The following TAF5 variants were observed in gnomAD, a reference collection of about 807,000 sequenced individuals.
The protein encoded by TAF5 is TATA-box binding protein associated factor 5, also known as transcription initiation factor TFIID subunit 5.
Under a neutral mutation model 80.9 loss-of-function variants are expected in TAF5, and 20 were observed. The ratio of observed to expected loss-of-function variants is 0.25; its 90% CI spans 0.17 to 0.36. TAF5 has a LOEUF of 0.36. Ranked by LOEUF, TAF5 falls within the 10% of genes least tolerant of loss-of-function variation. The probability of loss-of-function intolerance (pLI) is 1.00; values close to 1 mark genes in which losing one functional copy is unlikely to be tolerated. For synonymous variants in TAF5, 388 were observed against 406.4 expected (o/e 0.95, Z 0.55); for missense variants, 863 against 1,029.4 (o/e 0.84, Z 2.21).
At chr10:103,382,896 C>T (rs570245537) in intron 6 of TAF5, among the ~76,000 whole-genome samples, 49 of 152,276 alleles carry the variant, frequency 3.2e-4, no homozygotes, top group Non-Finnish European at 6.3e-4. Context: ...AATCTGCCCG[C>T]CTTGGCCTAC....
At chr10:103,386,798 G>A (rs2093397382) in intron 8 of TAF5, among the ~76,000 whole-genome samples, 1 of 151,972 alleles carries the variant, frequency 6.6e-6, no homozygotes, top group Non-Finnish European at 1.5e-5. Context: ...TGAGTAGCTG[G>A]GATTACAGGC....
At chr10:103,377,177 T>G (rs188159084) in intron 2 of TAF5, among the ~76,000 whole-genome samples, 92 of 152,300 alleles carry the variant, frequency 6.0e-4, no homozygotes, top group African/African-American at 2.1e-3. Flanking sequence ...TTGCTCTTCC[T>G]GTCTCATGGT....
At position 103,388,754 on chromosome 10, in the gene TAF5, AG is replaced by A. The variant is rs1255024682; in HGVS notation, c.*533del. 6.5e-6 allele frequency: 1 copy of A among 153,410 alleles called. No individual in the cohort carries two copies. Among genetic ancestry groups the A allele is most frequent in the Non-Finnish European group, 1.5e-5 (1 of 68,698 alleles). The allele number at this position is 153,410 out of a possible 1,614,324, so 9.5% of individuals were successfully genotyped here. A position where few individuals can be genotyped will look rare whatever the true frequency, so the allele number is the denominator to read the frequency against. Reference sequence around the variant, plus strand: ...GGTAGGGTTCCTTTCTTAGATCTAGAGGAAGTACAGCCACCCACTGACATCT... The same window carrying A: ...GGTAGGGTTCCTTTCTTAGATCTAGAGAAGTACAGCCACCCACTGACATCT... On this transcript the variant is annotated 3_prime_UTR_variant, in exon 11 of 11. Coordinates refer to ENST00000369839, the MANE Select transcript of TAF5 (RefSeq NM_006951.5).
chr10:103,387,498 C>T, intron 9 of TAF5, 23 bp from the exon 10 acceptor site: 11 of 1,594,898 alleles, frequency 6.9e-6, no homozygotes, highest in Non-Finnish European at 8.5e-6. Context: ...ATACTTTGAT[C>T]TTTTCTATGA....
At chr10:103,386,354 T>TGCTTGAAC (rs1250447416) in intron 8 of TAF5, among the ~76,000 whole-genome samples, 5 of 151,364 alleles carry the variant, frequency 3.3e-5, no homozygotes, top group Non-Finnish European at 7.4e-5. Context: ...GAGGCAGAAT[T>TGCTTGAAC]GCTTGAACCC....
intron 1 of TAF5, among the ~76,000 whole-genome samples, chr10:103,369,563 C>G (rs956611226): frequency 6.6e-5 from 10 of 151,810 alleles, no homozygotes; most frequent in Admixed American, 3.3e-4. Context: ...TGGGGTTTCG[C>G]CATATTGGTC....
rs2093377715 is a variant in TAF5 at position 103,379,661 on chromosome 10, G to A, written c.1167G>A (p.Glu389=). 3 of 1,607,826 alleles carry A rather than the reference G, an allele frequency of 1.9e-6. No homozygotes were observed. Among genetic ancestry groups the A allele is most frequent in the Non-Finnish European group, 2.5e-6 (3 of 1,178,490 alleles). The change falls in exon 4 of 11, where the codon GAG becomes GAA. Residue 389 remains glutamate (E), a synonymous_variant. Transcript: ENST00000369839. ...EPEIEVPLDD[E]DEEGENEEGK... is the part of the protein sequence containing the mutation. ...AAATTGAGGTACCTTTGGATGACGA[G>A]GATGAAGAGGGAGAAAATGAAGAAG...
chr10:103,375,160 T>G (rs903103823), intron 2 of TAF5, among the ~76,000 whole-genome samples: 7 of 151,770 alleles, frequency 4.6e-5, no homozygotes, highest in African/African-American at 1.7e-4. Context: ...TGGAGGCATT[T>G]TTGGTTGTCA....
In TAF5 at chr10:103,378,917, C is replaced by T. The variant is rs1730262735; in HGVS notation, c.1113+367C>T. Among the ~76,000 whole-genome samples, 1 of 152,192 alleles carries T rather than the reference C, an allele frequency of 6.6e-6. No homozygotes were observed. The highest frequency in any genetic ancestry group is 1.5e-5 in the Non-Finnish European group (1 of 68,042). On this transcript the variant is annotated intron_variant, in intron 3 of 10. Transcript: ENST00000369839. This position sits in a 1 kb window ranked among gnomAD's most constrained non-coding sequence, Gnocchi z 4.1. ...TCAGATGATCCACCCGACTCCGCCTCCCAAAGTGCTGGCATAACAGGCGTG... is the reference window on the plus strand; with the variant it reads ...TCAGATGATCCACCCGACTCCGCCTTCCAAAGTGCTGGCATAACAGGCGTG...
At chr10:103,377,583 T>G (rs552218678) in intron 2 of TAF5, among the ~76,000 whole-genome samples, 1 of 152,336 alleles carries the variant, frequency 6.6e-6, no homozygotes, top group Non-Finnish European at 1.5e-5. Flanking sequence ...TTATCAAGGC[T>G]AAAGGCTTTA....
At position 103,368,435 on chromosome 10, in the gene TAF5, G is replaced by C; in HGVS notation, c.446G>C (p.Ser149Thr). Residue 149 changes from serine to threonine, a missense_variant, in exon 1 of 11, where the codon AGC becomes ACC. By Grantham distance (58) the Ser-to-Thr change is moderately conservative (BLOSUM62 1). This residue lies in a region of TAF5 where 367 missense variants were observed against 335.5 expected (regional missense o/e 1.09). Coordinates refer to ENST00000369839, the MANE Select transcript of TAF5 (RefSeq NM_006951.5). ...GCTGAGGTGACCAGCGCGCTTCTCAGCCGGGTGACCGCCTCGGCCCCTGGC... is the reference window on the plus strand; with the variant it reads ...GCTGAGGTGACCAGCGCGCTTCTCACCCGGGTGACCGCCTCGGCCCCTGGC... ...AGAEVTSALL[S>T]RVTASAPGPA... is the part of the protein sequence containing the mutation. The C allele has an allele frequency of 6.3e-7, 1 of 1,580,496 alleles. No homozygotes were observed. Among genetic ancestry groups the C allele is most frequent in the East Asian group, 2.3e-5 (1 of 44,050 alleles).
In TAF5 at chr10:103,373,496, G is replaced by A. The variant is rs752904794; in HGVS notation, c.698G>A (p.Arg233Gln). Residue 233 changes from arginine to glutamine, a missense_variant, in exon 2 of 11, where the codon CGG (arginine) becomes CAG (glutamine). Physicochemically the swap from Arg to Gln is conservative, Grantham distance 43 (BLOSUM62 1). Transcript: ENST00000369839. ...HFIECSLDCH[R>Q]AELSQLFYPL... The stretch of plus-strand genomic sequence containing the variant: ...ATTGAATGTTCCCTGGACTGCCATC[G>A]GGCAGAGTTGTCCCAACTTTTTTAT... 2.5e-6 allele frequency: 4 copies of A among 1,614,128 alleles called. No individual in the cohort carries two copies. The highest frequency in any genetic ancestry group is 3.4e-6 in the Non-Finnish European group (4 of 1,180,030).
At chr10:103,377,824 A>C (rs2093373254) in intron 2 of TAF5, among the ~76,000 whole-genome samples, 1 of 152,130 alleles carries the variant, frequency 6.6e-6, no homozygotes, top group South Asian at 2.1e-4. Context: ...TATGCCTTTG[A>C]AATTTTCATA....
chr10:103,370,887 G>A (rs1304577171), intron 1 of TAF5, among the ~76,000 whole-genome samples: 1 of 152,130 alleles, frequency 6.6e-6, no homozygotes, highest in Non-Finnish European at 1.5e-5. Flanking sequence ...CAGAAATGAA[G>A]TATTCATACA....
chr10:103,384,848 C>T (rs2093391942), intron 7 of TAF5, among the ~76,000 whole-genome samples: 1 of 151,986 alleles, frequency 6.6e-6, no homozygotes, highest in African/African-American at 2.4e-5. Flanking sequence ...ATTAGCATGT[C>T]TGTAGTTTTT....
intron 1 of TAF5, 43 bp from the exon 2 acceptor site, chr10:103,373,315 C>G (rs374704997): frequency 6.5e-7 from 1 of 1,538,042 alleles, no homozygotes; most frequent in African/African-American, 1.4e-5. Flanking sequence ...GTCACATGGT[C>G]ATAATAGGTC....
chr10:103,375,638 G>A (rs1259464734), intron 2 of TAF5, among the ~76,000 whole-genome samples: 1 of 152,098 alleles, frequency 6.6e-6, no homozygotes, highest in Non-Finnish European at 1.5e-5. Flanking sequence ...CTAGGGGAGA[G>A]TATGAAATAA....
chr10:103,376,096 A>AT (rs1036768560), intron 2 of TAF5, among the ~76,000 whole-genome samples: 55 of 145,368 alleles, frequency 3.8e-4, no homozygotes, highest in Admixed American at 8.3e-4. Flanking sequence ...AGTGTGAATA[A>AT]TTTTTTTTTT....
rs563980416 is a variant in TAF5, at chr10:103,388,445, G to A, written c.*222G>A. 46 of 444,170 alleles carry A rather than the reference G, an allele frequency of 1.0e-4. No homozygotes were observed. The highest frequency in any genetic ancestry group is 1.1e-4 in the Non-Finnish European group (28 of 248,056). 27.5% of individuals were successfully genotyped at this position (444,170 alleles called of 1,614,324 possible). ...GAATAAGAGGTATTATGATCATGGAGGGGACATTTATGGTGCTTTGGATTG... is the reference window on the plus strand; with the variant it reads ...GAATAAGAGGTATTATGATCATGGAAGGGACATTTATGGTGCTTTGGATTG... On this transcript the variant is annotated 3_prime_UTR_variant, in exon 11 of 11. Transcript: ENST00000369839.
Sources: gnomAD v4.1 joint callset for allele counts (sites outside exome capture counted in the v4.1 genomes callset) on GRCh38, gnomAD v4.1.1 for gene constraint, gnomAD v4.1.1 regional missense constraint, Gnocchi (gnomAD v3.1) non-coding constraint, MANE v1.5 for transcripts, NCBI Gene and HGNC (gene_info 2026-07-23, HGNC 2026-07-21) for gene names.